Variants in CXCR2 observed in about 807,000 individuals in gnomAD.
CXCR2 encodes the protein C-X-C motif chemokine receptor 2.
CXCR2 carries 2 observed loss-of-function variants against 3.7 expected under a neutral mutation model. That is an observed-to-expected ratio of 0.55 (90% CI 0.22 to 1.72). CXCR2 has a LOEUF of 1.72. Among genes scored for constraint, CXCR2 ranks in the 40% most tolerant of loss-of-function variants. The pLI, the probability that CXCR2 is intolerant of heterozygous loss-of-function variation, is 0.19. For synonymous variants in CXCR2, 203 were observed against 193.3 expected (o/e 1.05, Z -0.41); for missense variants, 351 against 450.1 (o/e 0.78, Z 1.99).
At chr2:218,127,248 T>C (rs545713048) in intron 1 of CXCR2, among the ~76,000 whole-genome samples, 5 of 152,330 alleles carry the variant, frequency 3.3e-5, no homozygotes. Context: ...TGCCTCAGCC[T>C]CTGGAGTAGC....
At chr2:218,125,561 G>A (rs1283561837), upstream of CXCR2, 3 of 133,212 alleles carry the variant, frequency 2.3e-5, no homozygotes, top group Non-Finnish European at 4.7e-5. Context: ...GTCTTGGGGG[G>A]AAAGAAAGCA....
At chr2:218,132,800 C>T (rs1313256312) in intron 2 of CXCR2, among the ~76,000 whole-genome samples, 1 of 152,198 alleles carries the variant, frequency 6.6e-6, no homozygotes, top group Admixed American at 6.5e-5. Flanking sequence ...GTCCGTTCAT[C>T]AGTTGATGGA....
chr2:218,131,739 G>A (rs933163192), intron 2 of CXCR2, among the ~76,000 whole-genome samples: 4 of 151,296 alleles, frequency 2.6e-5, no homozygotes, highest in East Asian at 3.9e-4. Flanking sequence ...AAAGTGCTGG[G>A]AGCCACCACG....
intron 1 of CXCR2, among the ~76,000 whole-genome samples, chr2:218,126,748 G>C (rs965100590): frequency 6.6e-6 from 1 of 152,002 alleles, no homozygotes; most frequent in African/African-American, 2.4e-5. Context: ...TACAGGTCTA[G>C]GTGATTCTCC....
Position 218,135,290 on chromosome 2 carries a change from A to G in CXCR2, c.489A>G (p.Lys163=). 1.2e-6 allele frequency: 2 copies of G among 1,614,140 alleles called. No individual in the cohort carries two copies. The highest frequency in any genetic ancestry group is 1.7e-6 in the Non-Finnish European group (2 of 1,180,024). ...TGACCCAGAAGCGCTACTTGGTCAAATTCATATGTCTCAGCATCTGGGGTC... is the reference window on the plus strand; with the variant it reads ...TGACCCAGAAGCGCTACTTGGTCAAGTTCATATGTCTCAGCATCTGGGGTC... The part of the protein sequence containing the change: ...RTLTQKRYLV[K]FICLSIWGLS... Residue 163 remains lysine, a synonymous_variant, in exon 3 of 3, where the codon AAA becomes AAG. Transcript: ENST00000318507. The surrounding 1 kb of genome is among the most constrained non-coding windows in gnomAD (Gnocchi z 4.0).
At chr2:218,134,430 C>T (rs1690729105) in intron 2 of CXCR2, among the ~76,000 whole-genome samples, 1 of 152,144 alleles carries the variant, frequency 6.6e-6, no homozygotes, top group South Asian at 2.1e-4. Context: ...TTAAACCCAG[C>T]CTTGATAGCC....
At chr2:218,132,858 G>A (rs576459791) in intron 2 of CXCR2, among the ~76,000 whole-genome samples, 2 of 152,288 alleles carry the variant, frequency 1.3e-5, no homozygotes, top group Admixed American at 1.3e-4. Flanking sequence ...ATGCTACTAT[G>A]AACATTAGCT....
At chr2:218,131,453 A>G (rs1325866228) in intron 2 of CXCR2, among the ~76,000 whole-genome samples, 1 of 150,314 alleles carries the variant, frequency 6.7e-6, no homozygotes, top group Non-Finnish European at 1.5e-5. Flanking sequence ...TAAGACATAC[A>G]TAAAGTACAA....
In CXCR2 at chr2:218,135,968, T is replaced by C. The variant is rs962004630; in HGVS notation, c.*84T>C. 3 of 1,500,516 alleles carry C rather than the reference T, an allele frequency of 2.0e-6. No homozygotes were observed. The Admixed American group carries it at 6.6e-5, about 33-fold the overall frequency. 93.0% of individuals were successfully genotyped at this position (1,500,516 alleles called of 1,614,324 possible). On this transcript the variant is annotated 3_prime_UTR_variant, in exon 3 of 3. Transcript: ENST00000318507. The surrounding 1 kb of genome is among the most constrained non-coding windows in gnomAD (Gnocchi z 4.0). ...CAAGCCTCATGTCCACTGGTTCTTC[T>C]TGGTCTCAGTGTCAATGCAGCCCCC...
In CXCR2 at chr2:218,131,531, G is replaced by A. The variant is rs577914432; in HGVS notation, c.-26+2166G>A. On this transcript the variant is annotated intron_variant, in intron 2 of 2. Transcript: ENST00000318507. The stretch of plus-strand genomic sequence containing the variant: ...GTCGCCCAGGCTGGAGTGCAGTGGC[G>A]CCATCTCGGCTCACTGCAAGCTTCG... Among the ~76,000 whole-genome samples, 12 of 148,872 alleles carry A rather than the reference G, an allele frequency of 8.1e-5. No homozygotes were observed. The East Asian group carries it at 9.9e-4, about 12-fold the overall frequency.
At chr2:218,129,861 A>G (rs1690600775) in intron 2 of CXCR2, among the ~76,000 whole-genome samples, 1 of 152,222 alleles carries the variant, frequency 6.6e-6, no homozygotes, top group South Asian at 2.1e-4. Flanking sequence ...ATAAATTAGA[A>G]TTCATGCCAT....
intron 1 of CXCR2, among the ~76,000 whole-genome samples, chr2:218,127,643 G>A (rs1193754819): frequency 6.6e-6 from 1 of 152,172 alleles, no homozygotes; most frequent in African/African-American, 2.4e-5. Context: ...ACAGTGAACA[G>A]GAGATAGGAT....
chr2:218,136,956 G>A lies in CXCR2; in HGVS notation c.*1072G>A, dbSNP rs199884990. 5 of 167,206 alleles carry A rather than the reference G, an allele frequency of 3.0e-5. No homozygotes were observed. The highest frequency in any genetic ancestry group is 7.3e-5 in the Non-Finnish European group (5 of 68,116). The allele number at this position is 167,206 out of a possible 1,614,324, so 10.4% of individuals were successfully genotyped here. A position where few individuals can be genotyped will look rare whatever the true frequency, so the allele number is the denominator to read the frequency against. ...AGGGGAGGGGAGCATGGGAAGTGAC[G>A]GTTTAATGGGCACAGGGTTTATGTT... On this transcript the variant is annotated 3_prime_UTR_variant, in exon 3 of 3. Transcript: ENST00000318507.
At chr2:218,126,732 T>C (rs1239922251) in intron 1 of CXCR2, among the ~76,000 whole-genome samples, 2 of 152,178 alleles carry the variant, frequency 1.3e-5, no homozygotes, top group Non-Finnish European at 2.9e-5. Flanking sequence ...CATTGCAACC[T>C]CAACCTACAG....
Position 218,135,713 on chromosome 2 carries a change from C to G in CXCR2, c.912C>G (p.Ile304Met). 1 of 1,614,126 alleles carries G rather than the reference C, an allele frequency of 6.2e-7. No individual in the cohort carries two copies. The change falls in exon 3 of 3, where the codon ATC (isoleucine) becomes ATG (methionine). Residue 304 changes from isoleucine (I) to methionine (M), a missense_variant. Transcript: ENST00000318507. The surrounding 1 kb of genome is among the most constrained non-coding windows in gnomAD (Gnocchi z 4.0). ...RALDATEILGILHSCLNPLIY... is the reference protein window; with the variant it reads ...RALDATEILGMLHSCLNPLIY... Reference sequence around the variant, plus strand: ...TGGATGCCACCGAGATTCTGGGCATCCTTCACAGCTGCCTCAACCCCCTCA... The same window carrying G: ...TGGATGCCACCGAGATTCTGGGCATGCTTCACAGCTGCCTCAACCCCCTCA...
At position 218,135,792 on chromosome 2, in the gene CXCR2, A is replaced by C. The variant is rs201481173; in HGVS notation, c.991A>C (p.Ile331Leu). ...CCATGGACTCCTCAAGATTCTAGCT[A>C]TACATGGCTTGATCAGCAAGGACTC... ...FRHGLLKILA[I>L]HGLISKDSLP... Residue 331 changes from isoleucine to leucine, a missense_variant, in exon 3 of 3, where the codon ATA becomes CTA. By Grantham distance (5) the Ile-to-Leu change is conservative (BLOSUM62 2). Coordinates refer to ENST00000318507, the MANE Select transcript of CXCR2 (RefSeq NM_001557.4). The surrounding 1 kb of genome is among the most constrained non-coding windows in gnomAD (Gnocchi z 4.0). The C allele has an allele frequency of 2.5e-6, 4 of 1,614,058 alleles. No homozygotes were observed. The highest frequency in any genetic ancestry group is 2.7e-5 in the African/African-American group (2 of 74,986).
intron 2 of CXCR2, among the ~76,000 whole-genome samples, chr2:218,134,475 T>G (rs1690730149): frequency 6.6e-6 from 1 of 152,182 alleles, no homozygotes; most frequent in South Asian, 2.1e-4. Context: ...CAGGTAGTAT[T>G]GAGGGTTCTG....
chr2:218,130,179 G>A (rs1387872014), intron 2 of CXCR2, among the ~76,000 whole-genome samples: 1 of 152,138 alleles, frequency 6.6e-6, no homozygotes, highest in Non-Finnish European at 1.5e-5. Flanking sequence ...TCAGCACTTT[G>A]GGAGGCTAAG....
In CXCR2 at chr2:218,135,892, T is replaced by C. The variant is rs939185763; in HGVS notation, c.*8T>C. Reference sequence around the variant, plus strand: ...ACTTCCACTACTCTCTAAGACCTCCTGCCTAAGTGCAGCCCCGTGGGGTTC... The same window carrying C: ...ACTTCCACTACTCTCTAAGACCTCCCGCCTAAGTGCAGCCCCGTGGGGTTC... On this transcript the variant is annotated 3_prime_UTR_variant, in exon 3 of 3. Coordinates refer to ENST00000318507, the MANE Select transcript of CXCR2 (RefSeq NM_001557.4). The surrounding 1 kb of genome is among the most constrained non-coding windows in gnomAD (Gnocchi z 4.0). The C allele has an allele frequency of 1.3e-6, 2 of 1,598,010 alleles. No homozygotes were observed. The highest frequency in any genetic ancestry group is 1.7e-6 in the Non-Finnish European group (2 of 1,170,356).
Sources: gnomAD v4.1 joint callset for allele counts (sites outside exome capture counted in the v4.1 genomes callset) on GRCh38, gnomAD v4.1.1 for gene constraint, Gnocchi (gnomAD v3.1) non-coding constraint, MANE v1.5 for transcripts, NCBI Gene and HGNC (gene_info 2026-07-23, HGNC 2026-07-21) for gene names.